The following HROB variants were observed in gnomAD, a reference collection of about 807,000 sequenced individuals.
HROB encodes homologous recombination factor with OB-fold, also known as homologous recombination OB-fold protein.
Under a neutral mutation model 61.0 loss-of-function variants are expected in HROB, and 44 were observed. That is an observed-to-expected ratio of 0.72 (90% CI 0.57 to 0.93). The LOEUF (loss-of-function observed/expected upper bound fraction) is 0.93. Ranked by LOEUF, HROB falls within the 40% of genes least tolerant of loss-of-function variation. The probability of loss-of-function intolerance (pLI) is 0.00; values close to 1 mark genes in which losing one functional copy is unlikely to be tolerated. For missense variants in HROB, 716 were observed against 796.2 expected (o/e 0.90, Z 1.21); for synonymous variants, 301 against 310.4 (o/e 0.97, Z 0.32).
intron 8 of HROB, among the ~76,000 whole-genome samples, chr17:44,157,157 TAAC>T (rs974239537): frequency 6.6e-6 from 1 of 152,196 alleles, no homozygotes. Context: ...TGGGGATTGT[TAAC>T]AACTAATTTT....
At chr17:44,160,599 C>T (rs2054110148) in intron 9 of HROB, among the ~76,000 whole-genome samples, 1 of 152,090 alleles carries the variant, frequency 6.6e-6, no homozygotes, top group Admixed American at 6.6e-5. Context: ...ATAATCATCT[C>T]TATATCCTAT....
intron 3 of HROB, among the ~76,000 whole-genome samples, chr17:44,149,746 G>T (rs956789215): frequency 2.6e-5 from 4 of 152,172 alleles, no homozygotes; most frequent in African/African-American, 9.7e-5. Flanking sequence ...TGGACAATTT[G>T]CTTGGAACTG....
In HROB at chr17:44,148,662, A is replaced by G. The variant is rs1291432331; in HGVS notation, c.859A>G (p.Thr287Ala). Residue 287 changes from threonine (T) to alanine (A), a missense_variant, in exon 3 of 10, where the codon ACC becomes GCC. Transcript: ENST00000585683. Reference protein sequence around the residue: ...ALQPLQAARGTIQSSPQNRFP... With the variant: ...ALQPLQAARGAIQSSPQNRFP... ...TCAGCCTCTCCAAGCTGCTAGAGGG[A>G]CCATTCAGAGCAGCCCTCAAAATCG... 2 of 1,613,892 alleles carry G rather than the reference A, an allele frequency of 1.2e-6. No individual in the cohort carries two copies. The highest frequency in any genetic ancestry group is 1.7e-6 in the Non-Finnish European group (2 of 1,180,016).
chr17:44,153,989 A>G (rs576195531), intron 5 of HROB, among the ~76,000 whole-genome samples: 3 of 152,170 alleles, frequency 2.0e-5, no homozygotes, highest in African/African-American at 4.8e-5. Context: ...GGAGGTTGCA[A>G]TGAGCCAAGG....
chr17:44,153,337 C>A (rs1455296859), intron 5 of HROB, among the ~76,000 whole-genome samples: 3 of 151,870 alleles, frequency 2.0e-5, no homozygotes, highest in Non-Finnish European at 4.4e-5. Flanking sequence ...GTCTTATAGT[C>A]CCAGCTACTA....
At chr17:44,153,501 C>T (rs1307881043) in intron 5 of HROB, among the ~76,000 whole-genome samples, 2 of 151,992 alleles carry the variant, frequency 1.3e-5, no homozygotes, top group Non-Finnish European at 2.9e-5. Flanking sequence ...CACCTATAAT[C>T]TTGAGAGGTC....
intron 8 of HROB, among the ~76,000 whole-genome samples, chr17:44,156,034 G>A (rs979067461): frequency 1.3e-5 from 2 of 152,166 alleles, no homozygotes; most frequent in East Asian, 1.9e-4. Context: ...CTGAAAACGT[G>A]TACTGTGACC....
intron 6 of HROB, 39 bp from the exon 7 acceptor site, chr17:44,154,814 C>A: frequency 6.2e-7 from 1 of 1,611,506 alleles, no homozygotes; most frequent in South Asian, 1.1e-5. Flanking sequence ...GCTGTGCTGC[C>A]CTTGACCCCG....
chr17:44,154,623 G>A lies in HROB; in HGVS notation c.1517G>A (p.Arg506Gln), dbSNP rs114665355. ...GCGGTGATGATCAAGTCCCTGACTC[G>A]GAGCACAATGGACGCCAGTGTGGTT... ...NMAVMIKSLTRSTMDASVVFK... is the reference protein window; with the variant it reads ...NMAVMIKSLTQSTMDASVVFK... Residue 506 changes from arginine (R) to glutamine (Q), a missense_variant, in exon 6 of 10, where the codon CGG becomes CAG. Physicochemically the swap from Arg to Gln is conservative, Grantham distance 43 (BLOSUM62 1). Coordinates refer to ENST00000585683, the MANE Select transcript of HROB (RefSeq NM_001171251.3). 1.9e-5 allele frequency: 30 copies of A among 1,614,110 alleles called. No homozygotes were observed. Among genetic ancestry groups the A allele is most frequent in the East Asian group, 6.7e-5 (3 of 44,876 alleles).
At chr17:44,154,464 C>A (rs2053910656) in intron 5 of HROB, 92 bp from the exon 6 acceptor site, 1 of 1,216,442 alleles carries the variant, frequency 8.2e-7, no homozygotes. Flanking sequence ...ACTCTGACCC[C>A]TCCTAACCCC....
intron 8 of HROB, 133 bp from the exon 9 acceptor site, chr17:44,157,700 C>G (rs2054013516): frequency 3.7e-6 from 2 of 545,574 alleles, no homozygotes; most frequent in African/African-American, 3.9e-5. Flanking sequence ...CAGGTGTGAG[C>G]CACCACACCT....
Position 44,160,064 on chromosome 17 carries a change from C to T in HROB, c.1880-1807C>T, listed in dbSNP as rs142514304. 2.5e-3 allele frequency among the ~76,000 whole-genome samples: 384 copies of T among 152,308 alleles called. 2 individuals carry two copies. Among genetic ancestry groups the T allele is most frequent in the African/African-American group, 8.5e-3 (354 of 41,566 alleles). On this transcript the variant is annotated intron_variant, in intron 9 of 9. Transcript: ENST00000585683. The stretch of plus-strand genomic sequence containing the variant: ...GGCGCTACCGCAAGACTGAGGTCTG[C>T]TAAGTAACGGGTGCCTTACCAGGCA...
chr17:44,144,731 A>C (rs1397700686), intron 1 of HROB, among the ~76,000 whole-genome samples: 1 of 144,140 alleles, frequency 6.9e-6, no homozygotes, highest in African/African-American at 2.7e-5. Flanking sequence ...GTTTTTTAGA[A>C]TACTTGGGTC....
rs1477941452 is a variant in HROB, at chr17:44,155,320, A to G, written c.1679A>G (p.Tyr560Cys). The G allele has an allele frequency of 6.2e-7, 1 of 1,614,044 alleles. No individual in the cohort carries two copies. The highest frequency in any genetic ancestry group is 8.5e-7 in the Non-Finnish European group (1 of 1,180,002). ...GVFSPSLRNHYLNVTPNNLVH... is the reference protein window; with the variant it reads ...GVFSPSLRNHCLNVTPNNLVH... ...TTTTCTCCTTCACTTCGAAATCACTACCTCAACGTGACACCCAACAACCTG... is the reference window on the plus strand; with the variant it reads ...TTTTCTCCTTCACTTCGAAATCACTGCCTCAACGTGACACCCAACAACCTG... Residue 560 changes from tyrosine to cysteine, a missense_variant, in exon 8 of 10, where the codon TAC becomes TGC. Coordinates refer to ENST00000585683, the MANE Select transcript of HROB (RefSeq NM_001171251.3).
chr17:44,153,983 G>A (rs1326827539), intron 5 of HROB, among the ~76,000 whole-genome samples: 1 of 152,238 alleles, frequency 6.6e-6, no homozygotes, highest in East Asian at 1.9e-4. Flanking sequence ...AGAGGCGGAG[G>A]TTGCAATGAG....
intron 6 of HROB, 40 bp from the exon 7 acceptor site, chr17:44,154,813 C>A (rs2053922517): frequency 6.2e-7 from 1 of 1,610,666 alleles, no homozygotes; most frequent in African/African-American, 1.3e-5. Context: ...CGCTGTGCTG[C>A]CCTTGACCCC....
chr17:44,151,087 T>G (rs2053790963), intron 4 of HROB, 43 bp downstream of exon 4: 2 of 1,537,946 alleles, frequency 1.3e-6, no homozygotes, highest in South Asian at 2.3e-5. Flanking sequence ...GATTTGAGAG[T>G]GAGGGGCGTC....
In HROB at chr17:44,162,064, C is replaced by T; in HGVS notation, c.*132C>T. 1 of 1,021,786 alleles carries T rather than the reference C, an allele frequency of 9.8e-7. No homozygotes were observed. The highest frequency in any genetic ancestry group is 2.6e-5 in the East Asian group (1 of 38,930). The allele number at this position is 1,021,786 out of a possible 1,614,324, so 63.3% of individuals were successfully genotyped here. On this transcript the variant is annotated 3_prime_UTR_variant, in exon 10 of 10. Transcript: ENST00000585683. ...GCCGGGGGGCTTCTGTGGTTGCTCC[C>T]ACCCTGGGTGTTTTCCCTGAGAGCC...
At chr17:44,152,511 C>T in intron 4 of HROB, 126 bp from the exon 5 acceptor site, 3 of 1,000,572 alleles carry the variant, frequency 3.0e-6, no homozygotes, top group Non-Finnish European at 4.3e-6. Context: ...AGACTGTGGC[C>T]ATTGTACTAC....
Sources: gnomAD v4.1 joint callset for allele counts (sites outside exome capture counted in the v4.1 genomes callset) on GRCh38, gnomAD v4.1.1 for gene constraint, MANE v1.5 for transcripts, NCBI Gene and HGNC (gene_info 2026-07-23, HGNC 2026-07-21) for gene names.